Variants in TMEFF1 observed in about 807,000 individuals in gnomAD.
The protein encoded by TMEFF1 is transmembrane protein with EGF like and two follistatin like domains 1.
A neutral mutation model predicts 47.5 loss-of-function variants in TMEFF1; 20 were observed. The observed-to-expected ratio is 0.42, with a 90% CI of 0.30 to 0.61. The LOEUF is 0.61. Among genes scored for constraint, TMEFF1 ranks in the 20% least tolerant of loss-of-function variants. The pLI is 0.19. For synonymous variants in TMEFF1, 162 were observed against 166.3 expected, an observed-to-expected ratio of 0.97 and a Z score of 0.20; for missense variants, 411 against 471.1, an observed-to-expected ratio of 0.87 and a Z score of 1.18.
At chr9:100,496,356 C>T (rs1837648149) in intron 1 of TMEFF1, among the ~76,000 whole-genome samples, 2 of 152,344 alleles carry the variant, frequency 1.3e-5, no homozygotes, top group African/African-American at 4.8e-5. Context: ...CCTCCCACCT[C>T]AGCCTCCCAA....
At chr9:100,505,285 G>A (rs1467864417) in intron 2 of TMEFF1, among the ~76,000 whole-genome samples, 1 of 151,618 alleles carries the variant, frequency 6.6e-6, no homozygotes, top group Non-Finnish European at 1.5e-5. Context: ...GGTGGTGTGT[G>A]CCTGTAATCC....
chr9:100,504,300 T>C (rs1837817891), intron 2 of TMEFF1, among the ~76,000 whole-genome samples: 1 of 152,180 alleles, frequency 6.6e-6, no homozygotes, highest in Admixed American at 6.5e-5. Flanking sequence ...CCATGGAAAC[T>C]GAGAATGACC....
At chr9:100,536,670 C>T in intron 5 of TMEFF1, among the ~76,000 whole-genome samples, 1 of 152,120 alleles carries the variant, frequency 6.6e-6, no homozygotes, top group East Asian at 1.9e-4. Flanking sequence ...TAAGAGCATG[C>T]TAAATCTAAC....
chr9:100,571,284 G>A (rs1157220529), intron 8 of TMEFF1, among the ~76,000 whole-genome samples: 5 of 152,036 alleles, frequency 3.3e-5, no homozygotes, highest in East Asian at 1.9e-4. Context: ...ATAGAAAAGC[G>A]CATATTCACC....
In TMEFF1 at chr9:100,576,633, G is replaced by T; in HGVS notation, c.*33G>T. ...ACTTTTATATGTACACTGACCATGT[G>T]ATGTACATTTATTATGTCTTTTTTT... On this transcript the variant is annotated 3_prime_UTR_variant, in exon 10 of 10. Coordinates refer to ENST00000374879, the MANE Select transcript of TMEFF1 (RefSeq NM_003692.5). 6.4e-7 allele frequency: 1 copy of T among 1,561,068 alleles called. No individual in the cohort carries two copies. The highest frequency in any genetic ancestry group is 8.6e-7 in the Non-Finnish European group (1 of 1,157,264).
chr9:100,487,122 CTTCT>C (rs1226487069), intron 1 of TMEFF1, among the ~76,000 whole-genome samples: 1 of 150,950 alleles, frequency 6.6e-6, no homozygotes, highest in Non-Finnish European at 1.5e-5. Context: ...AGCTTTTTTT[CTTCT>C]TTCTCTTTAT....
At chr9:100,535,488 G>C (rs571683642) in intron 5 of TMEFF1, among the ~76,000 whole-genome samples, 1 of 152,214 alleles carries the variant, frequency 6.6e-6, no homozygotes, top group Non-Finnish European at 1.5e-5. Context: ...AAATCTAACG[G>C]GGCTGAATGT....
At chr9:100,483,451 C>T (rs1045664944) in intron 1 of TMEFF1, among the ~76,000 whole-genome samples, 2 of 152,012 alleles carry the variant, frequency 1.3e-5, no homozygotes, top group Admixed American at 6.6e-5. Context: ...GAGCCGAGAT[C>T]GCACCGTTGC....
intron 1 of TMEFF1, among the ~76,000 whole-genome samples, chr9:100,474,785 C>A (rs750828299): frequency 6.6e-6 from 1 of 152,112 alleles, no homozygotes; most frequent in Non-Finnish European, 1.5e-5. Context: ...CCCCTCTCTC[C>A]AAGGCCGCTT....
chr9:100,533,678 A>C (rs993824727), intron 5 of TMEFF1, among the ~76,000 whole-genome samples: 1 of 150,700 alleles, frequency 6.6e-6, no homozygotes, highest in Non-Finnish European at 1.5e-5. Context: ...TCATTTTCTA[A>C]CTTTTTAAAT....
At chr9:100,539,507 T>C (rs916597311) in intron 5 of TMEFF1, among the ~76,000 whole-genome samples, 2 of 152,162 alleles carry the variant, frequency 1.3e-5, no homozygotes, top group Non-Finnish European at 2.9e-5. Flanking sequence ...GGAGTGAAGC[T>C]GCAGACCTTT....
chr9:100,544,465 C>T (rs1224239309), intron 5 of TMEFF1, among the ~76,000 whole-genome samples: 1 of 152,174 alleles, frequency 6.6e-6, no homozygotes, highest in Non-Finnish European at 1.5e-5. Context: ...ATCATGAGAG[C>T]AGCACAGGAA....
At chr9:100,535,983 T>C (rs1838495999) in intron 5 of TMEFF1, among the ~76,000 whole-genome samples, 1 of 152,194 alleles carries the variant, frequency 6.6e-6, no homozygotes, top group African/African-American at 2.4e-5. Context: ...AAGACAAATA[T>C]ATATTTAGAT....
At chr9:100,564,832 G>A (rs1447209529) in intron 8 of TMEFF1, among the ~76,000 whole-genome samples, 1 of 152,238 alleles carries the variant, frequency 6.6e-6, no homozygotes, top group East Asian at 1.9e-4. Flanking sequence ...TAAAGGAGTT[G>A]TGAGGCTGAG....
At chr9:100,490,655 G>A (rs1375288556) in intron 1 of TMEFF1, among the ~76,000 whole-genome samples, 2 of 151,258 alleles carry the variant, frequency 1.3e-5, no homozygotes, top group Non-Finnish European at 2.9e-5. Flanking sequence ...CTTCGTCTGT[G>A]GTATAGCAAA....
intron 1 of TMEFF1, among the ~76,000 whole-genome samples, chr9:100,489,881 A>G (rs771505373): frequency 9.2e-5 from 14 of 152,196 alleles, no homozygotes; most frequent in Non-Finnish European, 1.8e-4. Flanking sequence ...ATCTTTGGCT[A>G]GGATTGGCGA....
intron 9 of TMEFF1, among the ~76,000 whole-genome samples, chr9:100,574,601 TC>T (rs1455946584): frequency 1.3e-5 from 2 of 152,032 alleles, no homozygotes; most frequent in African/African-American, 4.8e-5. Flanking sequence ...GGTCTTCAAC[TC>T]CTAGGCTCAA....
chr9:100,526,147 G>A (rs973171796), intron 5 of TMEFF1, among the ~76,000 whole-genome samples: 3 of 152,184 alleles, frequency 2.0e-5, no homozygotes, highest in Non-Finnish European at 4.4e-5. Flanking sequence ...AATTAAGAAA[G>A]TGTTGCTTTG....
At chr9:100,525,717 C>G (rs1355796474) in intron 5 of TMEFF1, among the ~76,000 whole-genome samples, 2 of 152,132 alleles carry the variant, frequency 1.3e-5, no homozygotes, top group African/African-American at 4.8e-5. Context: ...AGTTCTAACC[C>G]TCTAATCACT....
Sources: allele counts gnomAD v4.1 joint callset (sites outside exome capture counted in the v4.1 genomes callset), GRCh38; gene constraint gnomAD v4.1.1; transcripts MANE v1.5; gene names NCBI Gene and HGNC (gene_info 2026-07-23, HGNC 2026-07-21).